Variants in ERBB2 observed in about 807,000 individuals in gnomAD.
ERBB2 encodes receptor tyrosine-protein kinase erbB-2.
Under a neutral mutation model 149.0 loss-of-function variants are expected in ERBB2, and 61 were observed. The ratio of observed to expected loss-of-function variants is 0.41; its 90% confidence interval spans 0.33 to 0.51. The LOEUF is 0.51. ERBB2 is among the 20% of genes least tolerant of loss of function. The pLI is 0.25. For missense variants in ERBB2, 1,205 were observed against 1,655.1 expected (o/e 0.73, Z 4.72); for synonymous variants, 633 against 678.8 (o/e 0.93, Z 1.05).
chr17:39,710,708 T>C (rs1022252826), intron 7 of ERBB2, among the ~76,000 whole-genome samples: 2 of 152,240 alleles, frequency 1.3e-5, no homozygotes, highest in Non-Finnish European at 2.9e-5. Flanking sequence ...AACCCAGCTC[T>C]ATCAATTAGT....
rs140272156 is a variant in ERBB2 at position 39,726,888 on chromosome 17, G to A, written c.3044G>A (p.Gly1015Glu). The A allele has an allele frequency of 1.3e-3, 2,095 of 1,614,042 alleles. 1 individual carries two copies. The highest frequency in any genetic ancestry group is 2.6e-3 in the Middle Eastern group (16 of 6,052). The change falls in exon 25 of 27, where the codon GGG becomes GAG. Residue 1015 changes from glycine to glutamate, a missense_variant. Physicochemically the swap from Gly to Glu is moderately conservative, Grantham distance 98 (BLOSUM62 -2). Coordinates refer to ENST00000269571, the MANE Select transcript of ERBB2 (RefSeq NM_004448.4). This position sits in a 1 kb window ranked among gnomAD's most constrained non-coding sequence, Gnocchi z 5.1. The part of the protein sequence containing the change: ...YRSLLEDDDM[G>E]DLVDAEEYLV... Reference sequence around the variant, plus strand: ...TCACTGCTGGAGGACGATGACATGGGGGACCTGGTGGATGCTGAGGAGTAT... The same window carrying A: ...TCACTGCTGGAGGACGATGACATGGAGGACCTGGTGGATGCTGAGGAGTAT...
At chr17:39,711,777 G>A in intron 7 of ERBB2, 151 bp from the exon 8 acceptor site, 2 of 882,360 alleles carry the variant, frequency 2.3e-6, no homozygotes, top group South Asian at 3.0e-5. Context: ...TCTGGTTGTT[G>A]TGAGGGGTAA....
rs2143054253 is a variant in ERBB2 at position 39,725,676 on chromosome 17, C to T, written c.2726-31C>T. ...TCAGTACACTAAAGCTCCCTCTGGC[C>T]CTCCCACTCCTGACCCTGTCTCTGC... On this transcript the variant is annotated intron_variant, in intron 22 of 26. Coordinates refer to ENST00000269571, the MANE Select transcript of ERBB2 (RefSeq NM_004448.4). This position sits in a 1 kb window ranked among gnomAD's most constrained non-coding sequence, Gnocchi z 4.6. 6.3e-7 allele frequency: 1 copy of T among 1,585,596 alleles called. No individual in the cohort carries two copies. The highest frequency in any genetic ancestry group is 8.6e-7 in the Non-Finnish European group (1 of 1,165,578).
At chr17:39,717,620 TA>T (rs1211952565) in intron 15 of ERBB2, 140 bp downstream of exon 15, 1 of 662,380 alleles carries the variant, frequency 1.5e-6, no homozygotes, top group Non-Finnish European at 2.4e-6. Context: ...GTTAAAATTG[TA>T]AAATTAAAAC....
rs961778643 is a variant in ERBB2, at chr17:39,724,618, G to A, written c.2308-108G>A. ...CATGTTGTCCAGGCTGGTACTTTGA[G>A]CCTTCACAGGCTGTGGGCCATGGCT... On this transcript the variant is annotated intron_variant, in intron 19 of 26. Coordinates refer to ENST00000269571, the MANE Select transcript of ERBB2 (RefSeq NM_004448.4). The A allele has an allele frequency of 7.2e-5, 69 of 961,630 alleles. No individual in the cohort carries two copies. The African/African-American group carries it at 9.9e-4, about 14-fold the overall frequency. 59.6% of individuals were successfully genotyped at this position (961,630 alleles called of 1,614,324 possible). A position where few individuals can be genotyped will look rare whatever the true frequency, so the allele number is the denominator to read the frequency against.
chr17:39,725,417 G>T lies in ERBB2; in HGVS notation c.2725+15G>T, dbSNP rs774844012. 5.6e-6 allele frequency: 9 copies of T among 1,608,946 alleles called. No individual in the cohort carries two copies. In the South Asian group the frequency reaches 9.9e-5, roughly 18 times the overall value. On this transcript the variant is annotated intron_variant, in intron 22 of 26. Transcript: ENST00000269571. The surrounding 1 kb of genome is among the most constrained non-coding windows in gnomAD (Gnocchi z 4.6). ...GTGGAGTTATGGTGTGTGATGGGGG[G>T]TGTTGGGAGGGGTGGGTGAGGAGCC...
chr17:39,723,868 C>A lies in ERBB2; in HGVS notation c.2209-44C>A, dbSNP rs2145822858. ...TGATCTCCTGGAAGGCAGGTAGGAT[C>A]CAGCCCACGCTCTTCTCACTCATAT... On this transcript the variant is annotated intron_variant, in intron 18 of 26. Coordinates refer to ENST00000269571, the MANE Select transcript of ERBB2 (RefSeq NM_004448.4). This position sits in a 1 kb window ranked among gnomAD's most constrained non-coding sequence, Gnocchi z 6.2. 1 of 1,552,958 alleles carries A rather than the reference C, an allele frequency of 6.4e-7. No individual in the cohort carries two copies. The highest frequency in any genetic ancestry group is 8.9e-7 in the Non-Finnish European group (1 of 1,125,366).
chr17:39,709,376 G>C lies in ERBB2; in HGVS notation c.498G>C (p.Thr166=), dbSNP rs370810322. 6.2e-6 allele frequency: 10 copies of C among 1,613,890 alleles called. No homozygotes were observed. The African/African-American group carries it at 1.3e-4, about 22-fold the overall frequency. Residue 166 remains threonine, a synonymous_variant, in exon 4 of 27, where the codon ACG becomes ACC. Transcript: ENST00000269571. The part of the protein sequence containing the change: ...QRNPQLCYQD[T]ILWKDIFHKN... ...ACCCCCAGCTCTGCTACCAGGACAC[G>C]ATTTTGTGGAAGGACATCTTCCACA...
At chr17:39,695,351 G>A (rs915155528), upstream of ERBB2, among the ~76,000 whole-genome samples, 5 of 152,110 alleles carry the variant, frequency 3.3e-5, no homozygotes, top group Non-Finnish European at 5.9e-5. Context: ...GGAGACTAGG[G>A]CTAATCCTGG....
intron 9 of ERBB2, 88 bp downstream of exon 9, chr17:39,712,536 G>C (rs2058870925): frequency 1.3e-6 from 2 of 1,482,938 alleles, no homozygotes; most frequent in Non-Finnish European, 9.2e-7. Flanking sequence ...GGGGATGGCA[G>C]GAGACAGAAG....
chr17:39,699,686 G>A, upstream of ERBB2: 3 of 820,098 alleles, frequency 3.7e-6, no homozygotes, highest in South Asian at 1.5e-5. Context: ...TTGGGATGGA[G>A]TAGGATGCAA....
At chr17:39,709,022 C>G (rs182774781) in intron 3 of ERBB2, among the ~76,000 whole-genome samples, 53 of 152,270 alleles carry the variant, frequency 3.5e-4, no homozygotes, top group Non-Finnish European at 5.6e-4. Context: ...TCCACAGTCT[C>G]TTAACCACCA....
At chr17:39,692,333 GAA>G (rs1020045471), upstream of ERBB2, among the ~76,000 whole-genome samples, 2 of 152,112 alleles carry the variant, frequency 1.3e-5, no homozygotes, top group African/African-American at 4.8e-5. Context: ...AGATAAAAAA[GAA>G]AGTGGAAATA....
At chr17:39,691,910 C>G (rs143112208), upstream of ERBB2, among the ~76,000 whole-genome samples, 313 of 83,250 alleles carry the variant, frequency 3.8e-3, 1 homozygote, top group African/African-American at 0.013. Flanking sequence ...GATATATATA[C>G]ATATACATAT....
At chr17:39,699,846 G>T, upstream of ERBB2, 1 of 567,592 alleles carries the variant, frequency 1.8e-6, no homozygotes, top group Non-Finnish European at 2.9e-6. Flanking sequence ...GAGAACGGCT[G>T]CAGGCAACCC....
At chr17:39,709,542 A>C (rs2145482233) in intron 4 of ERBB2, 90 bp downstream of exon 4, 5 of 1,501,874 alleles carry the variant, frequency 3.3e-6, no homozygotes, top group Non-Finnish European at 4.6e-6. Context: ...CCTGCCCGCC[A>C]CTGCCCCAGC....
At chr17:39,698,122 C>G (rs757353873), upstream of ERBB2, among the ~76,000 whole-genome samples, 1 of 152,194 alleles carries the variant, frequency 6.6e-6, no homozygotes, top group South Asian at 2.1e-4. Context: ...CCAAGTATTG[C>G]GCTGAGTGCT....
At chr17:39,711,533 C>T (rs1567901571) in intron 7 of ERBB2, among the ~76,000 whole-genome samples, 3 of 152,110 alleles carry the variant, frequency 2.0e-5, no homozygotes, top group East Asian at 1.9e-4. Context: ...TACTGATGGG[C>T]GTTTATGGAC....
In ERBB2 at chr17:39,727,619, G is replaced by C. The variant is rs1272791917; in HGVS notation, c.3413-70G>C. 2 of 1,562,224 alleles carry C rather than the reference G, an allele frequency of 1.3e-6. No individual in the cohort carries two copies. The highest frequency in any genetic ancestry group is 1.7e-6 in the Non-Finnish European group (2 of 1,158,034). Reference sequence around the variant, plus strand: ...GGACCTTCAGCCCAGGGTCCACTGTGGGGGCAGAGGGAGTGGCAGAGACAC... The same window carrying C: ...GGACCTTCAGCCCAGGGTCCACTGTCGGGGCAGAGGGAGTGGCAGAGACAC... On this transcript the variant is annotated intron_variant, in intron 26 of 26. Transcript: ENST00000269571. The surrounding 1 kb of genome is among the most constrained non-coding windows in gnomAD (Gnocchi z 4.3).
Sources: gnomAD v4.1 joint callset for allele counts (sites outside exome capture counted in the v4.1 genomes callset) on GRCh38, gnomAD v4.1.1 for gene constraint, Gnocchi (gnomAD v3.1) non-coding constraint, MANE v1.5 for transcripts, NCBI Gene and HGNC (gene_info 2026-07-23, HGNC 2026-07-21) for gene names.